STXBP4: variants seen among roughly 807,000 people sequenced by gnomAD.
The protein encoded by STXBP4 is syntaxin binding protein 4.
A neutral mutation model predicts 76.1 loss-of-function variants in STXBP4; 55 were observed. The ratio of observed to expected loss-of-function variants is 0.72; its 90% CI spans 0.58 to 0.91. STXBP4 has a LOEUF of 0.91. Among genes scored for constraint, STXBP4 ranks in the 40% least tolerant of loss-of-function variants. STXBP4 has a pLI of 0.00. For synonymous variants in STXBP4, 201 were observed against 220.2 expected, an observed-to-expected ratio of 0.91 and a Z score of 0.77; for missense variants, 618 against 636.9, an observed-to-expected ratio of 0.97 and a Z score of 0.32.
chr17:55,076,429 A>G (rs1206860388), intron 13 of STXBP4, among the ~76,000 whole-genome samples: 2 of 152,154 alleles, frequency 1.3e-5, no homozygotes, highest in Non-Finnish European at 2.9e-5. Context: ...GAACATCTTT[A>G]TTCAACTCTT....
rs1289573281 is a variant in STXBP4 at position 55,043,319 on chromosome 17, A to G, written c.939A>G (p.Thr313=). ...ERDDALKEVN[T]LKEKLLESDK... is the part of the protein sequence containing the mutation. ...ATGATGCCTTGAAAGAAGTAAATAC[A>G]CTTAAGGTAACCTCTAATTTAGTTT... The change falls in exon 11 of 18, where the codon ACA becomes ACG. Residue 313 remains threonine (T), a synonymous_variant. Transcript: ENST00000376352. 4 of 1,485,590 alleles carry G rather than the reference A, an allele frequency of 2.7e-6. No individual in the cohort carries two copies. In the East Asian group the frequency reaches 9.6e-5, roughly 36 times the overall value. 92.0% of individuals were successfully genotyped at this position (1,485,590 alleles called of 1,614,324 possible).
At chr17:55,150,698 G>A (rs551117700) in intron 17 of STXBP4, among the ~76,000 whole-genome samples, 1 of 152,180 alleles carries the variant, frequency 6.6e-6, no homozygotes, top group East Asian at 1.9e-4. Context: ...GATCCCAATC[G>A]GTGCATTTTC....
Position 55,070,546 on chromosome 17 carries a change from T to C in STXBP4, c.1012-2354T>C, listed in dbSNP as rs143282993. Among the ~76,000 whole-genome samples, 505 of 152,308 alleles carry C rather than the reference T, an allele frequency of 3.3e-3. 2 individuals carry two copies. The highest frequency in any genetic ancestry group is 0.011 in the African/African-American group (470 of 41,574). ...TTGAGTCAAGGGCATAGAAGGCAAT[T>C]GGTTGGCCACATCTCTCCATCTGGC... is the stretch of plus-strand genomic sequence containing the variant. On this transcript the variant is annotated intron_variant, in intron 12 of 17. Transcript: ENST00000376352.
intron 17 of STXBP4, among the ~76,000 whole-genome samples, chr17:55,155,923 A>G (rs1251715797): frequency 6.6e-6 from 1 of 152,178 alleles, no homozygotes; most frequent in African/African-American, 2.4e-5. Context: ...GTTTACTAAT[A>G]TTATTTTTTA....
intron 12 of STXBP4, among the ~76,000 whole-genome samples, chr17:55,055,841 C>G (rs2541247): frequency 0.23 from 35,550 of 152,096 alleles, 4,630 homozygotes; most frequent in South Asian, 0.31. Flanking sequence ...CTATTACTAT[C>G]TTACATCTTA....
intron 8 of STXBP4, among the ~76,000 whole-genome samples, chr17:55,009,554 T>C (rs1182090561): frequency 6.6e-6 from 1 of 152,180 alleles, no homozygotes; most frequent in Non-Finnish European, 1.5e-5. Context: ...CTGAGAAATA[T>C]GAGTTGCTTG....
intron 10 of STXBP4, among the ~76,000 whole-genome samples, 154 bp downstream of exon 10, chr17:55,034,413 A>G (rs897648621): frequency 2.0e-5 from 3 of 152,178 alleles, no homozygotes; most frequent in Admixed American, 2.0e-4. Context: ...AATCAAAAGT[A>G]AAAGTTCATC....
In STXBP4 at chr17:55,166,326, G is replaced by A. The variant is rs1397033110; in HGVS notation, c.*6415G>A. On this transcript the variant is annotated 3_prime_UTR_variant, in exon 18 of 18. Coordinates refer to ENST00000376352, the MANE Select transcript of STXBP4 (RefSeq NM_178509.6). ...TTACCTGGATGCTTTCAACACAGGT[G>A]ATATAGCTTCTTCCTTCTCCACCAC... 6.6e-6 allele frequency: 1 copy of A among 152,108 alleles called. No homozygotes were observed. Among genetic ancestry groups the A allele is most frequent in the African/African-American group, 2.4e-5 (1 of 41,412 alleles). 9.4% of individuals were successfully genotyped at this position (152,108 alleles called of 1,614,324 possible).
At chr17:55,184,214 T>C in the STXBP4 span, among the ~76,000 whole-genome samples, 1 of 152,154 alleles carries the variant, frequency 6.6e-6, no homozygotes, top group Non-Finnish European at 1.5e-5. Flanking sequence ...TAGTGAATTA[T>C]TGAAAAGAGG....
At chr17:55,073,958 T>A (rs185827469) in intron 13 of STXBP4, among the ~76,000 whole-genome samples, 1 of 152,252 alleles carries the variant, frequency 6.6e-6, no homozygotes, top group East Asian at 1.9e-4. Flanking sequence ...AATTTTTTTT[T>A]ACATAATACA....
intron 1 of STXBP4, among the ~76,000 whole-genome samples, chr17:54,980,261 T>G (rs190176615): frequency 3.3e-5 from 5 of 152,274 alleles, no homozygotes; most frequent in Non-Finnish European, 4.4e-5. Flanking sequence ...CAAAATATTT[T>G]TTGTTATTTA....
the STXBP4 span, among the ~76,000 whole-genome samples, chr17:55,193,574 A>C: frequency 1.3e-5 from 2 of 152,048 alleles, no homozygotes; most frequent in Admixed American, 6.6e-5. Flanking sequence ...GAGAAAGGAA[A>C]TGGTGAATTG....
chr17:55,151,901 C>T (rs985017322), intron 17 of STXBP4, among the ~76,000 whole-genome samples: 5 of 152,124 alleles, frequency 3.3e-5, no homozygotes, highest in Non-Finnish European at 5.9e-5. Flanking sequence ...AGTGATTCAA[C>T]TGTTACATAC....
chr17:55,053,839 G>A (rs186683230), intron 12 of STXBP4, among the ~76,000 whole-genome samples: 219 of 152,012 alleles, frequency 1.4e-3, no homozygotes, highest in African/African-American at 5.2e-3. Flanking sequence ...TTTATATGTA[G>A]GATAAATTAG....
rs34336794 is a variant in STXBP4, at chr17:55,047,185, C to CGTGTGT, written c.1011+59_1011+64dup. ...TATATGTATTGTGTATATATGTGCT[C>CGTGTGT]GTGTGTGTGTGTGTGTGTGTGTGTG... On this transcript the variant is annotated intron_variant, in intron 12 of 17. Coordinates refer to ENST00000376352, the MANE Select transcript of STXBP4 (RefSeq NM_178509.6). The CGTGTGT allele has an allele frequency of 4.3e-3, 3,507 of 807,902 alleles. 37 individuals are homozygous for CGTGTGT. Among genetic ancestry groups the CGTGTGT allele is most frequent in the African/African-American group, 0.027 (1,405 of 52,674 alleles). 50.0% of individuals were successfully genotyped at this position (807,902 alleles called of 1,614,324 possible).
chr17:55,104,329 G>A (rs1247689899), intron 16 of STXBP4, among the ~76,000 whole-genome samples: 2 of 152,092 alleles, frequency 1.3e-5, no homozygotes, highest in Non-Finnish European at 2.9e-5. Context: ...GGAGTTTTTA[G>A]CATGAATGGG....
chr17:54,986,578 C>G (rs2077629992), intron 3 of STXBP4, among the ~76,000 whole-genome samples: 1 of 152,108 alleles, frequency 6.6e-6, no homozygotes, highest in Admixed American at 6.5e-5. Context: ...ATGATTGTAC[C>G]TGTTAATAGC....
At chr17:55,017,432 C>G (rs568649874) in intron 8 of STXBP4, among the ~76,000 whole-genome samples, 1 of 152,050 alleles carries the variant, frequency 6.6e-6, no homozygotes, top group African/African-American at 2.4e-5. Flanking sequence ...TGCCTAAGGA[C>G]GCAGCAGCGT....
chr17:54,978,104 TA>T (rs2077496914), intron 1 of STXBP4, among the ~76,000 whole-genome samples: 1 of 152,190 alleles, frequency 6.6e-6, no homozygotes, highest in Admixed American at 6.5e-5. Flanking sequence ...ACGTATATTT[TA>T]AAAAGAAAAT....
Sources: allele counts gnomAD v4.1 joint callset (sites outside exome capture counted in the v4.1 genomes callset), GRCh38; gene constraint gnomAD v4.1.1; transcripts MANE v1.5; gene names NCBI Gene and HGNC (gene_info 2026-07-23, HGNC 2026-07-21).